DSCAM: variants seen among roughly 807,000 people sequenced by gnomAD.
The protein encoded by DSCAM is cell adhesion molecule DSCAM.
A neutral mutation model predicts 217.7 loss-of-function variants in DSCAM; 47 were observed. The observed-to-expected ratio is 0.22, with a 90% confidence interval of 0.17 to 0.28. DSCAM has a LOEUF of 0.28. DSCAM is among the 10% of genes least tolerant of loss of function. The pLI is 1.00. For synonymous variants in DSCAM, 1,056 were observed against 1,015.3 expected (o/e 1.04, Z -0.76); for missense variants, 2,080 against 2,618.3 (o/e 0.79, Z 4.49).
chr21:40,444,733 A>G (rs180709164), intron 3 of DSCAM, among the ~76,000 whole-genome samples: 1 of 152,342 alleles, frequency 6.6e-6, no homozygotes, highest in Non-Finnish European at 1.5e-5. Context: ...AACTTGCTCC[A>G]AAGTAGAGAA....
intron 3 of DSCAM, among the ~76,000 whole-genome samples, chr21:40,509,990 G>A (rs1203017006): frequency 1.3e-5 from 2 of 152,066 alleles, no homozygotes. Context: ...CAGGCGTGGT[G>A]GCACACAACT....
At chr21:40,559,290 C>G (rs1038023562) in intron 3 of DSCAM, among the ~76,000 whole-genome samples, 1 of 151,956 alleles carries the variant, frequency 6.6e-6, no homozygotes, top group South Asian at 2.1e-4. Flanking sequence ...AACCCCGTCT[C>G]TACTAAAAAT....
chr21:40,728,547 T>G (rs2090981117), intron 1 of DSCAM, among the ~76,000 whole-genome samples: 1 of 151,990 alleles, frequency 6.6e-6, no homozygotes, highest in Non-Finnish European at 1.5e-5. Flanking sequence ...GCCTCCTGAG[T>G]AGCTGGGATT....
chr21:40,749,292 T>C (rs1229522631), intron 1 of DSCAM, among the ~76,000 whole-genome samples: 1 of 151,952 alleles, frequency 6.6e-6, no homozygotes, highest in Admixed American at 6.6e-5. Flanking sequence ...ACTTACAGAA[T>C]GGGGAAAAAA....
chr21:40,821,137 CAT>C (rs5844044), intron 1 of DSCAM, among the ~76,000 whole-genome samples: 166 of 138,302 alleles, frequency 1.2e-3, no homozygotes, highest in South Asian at 5.2e-3. Context: ...TATATCTTCA[CAT>C]ATATATATAT....
intron 3 of DSCAM, among the ~76,000 whole-genome samples, chr21:40,379,941 C>A (rs1352511885): frequency 6.6e-6 from 1 of 152,110 alleles, no homozygotes; most frequent in African/African-American, 2.4e-5. Flanking sequence ...CTTGAGCCGC[C>A]TGGAAGAAAT....
At chr21:40,345,097 TC>T (rs1176482249) in intron 6 of DSCAM, among the ~76,000 whole-genome samples, 1 of 152,208 alleles carries the variant, frequency 6.6e-6, no homozygotes, top group African/African-American at 2.4e-5. Flanking sequence ...CAGACTGTTT[TC>T]TACAGTTTCA....
rs1293751847 is a variant in DSCAM at position 40,600,142 on chromosome 21, TACA to T, written c.508+92665_508+92667del. ...TCCTGATACCAAAACCTGGCAGAGATACAACAATAAAAAGAGCAGAAGTTTTTA... is the reference window on the plus strand; with the variant it reads ...TCCTGATACCAAAACCTGGCAGAGATACAATAAAAAGAGCAGAAGTTTTTA... On this transcript the variant is annotated intron_variant, in intron 3 of 32. Coordinates refer to ENST00000400454, the MANE Select transcript of DSCAM (RefSeq NM_001389.5). Among the ~76,000 whole-genome samples the T allele has an allele frequency of 3.9e-5, 6 of 152,192 alleles. No homozygotes were observed. The South Asian group carries it at 1.0e-3, about 26-fold the overall frequency.
chr21:40,758,897 A>G (rs2091302698), intron 1 of DSCAM, among the ~76,000 whole-genome samples: 1 of 152,156 alleles, frequency 6.6e-6, no homozygotes, highest in South Asian at 2.1e-4. Context: ...GTAGCATCTT[A>G]AAGATGTTAA....
intron 20 of DSCAM, among the ~76,000 whole-genome samples, chr21:40,096,231 C>T (rs2089674776): frequency 6.6e-6 from 1 of 152,148 alleles, no homozygotes; most frequent in Admixed American, 6.5e-5. Context: ...AGCCCCCTCC[C>T]CACTTTGAGT....
At chr21:40,417,278 T>A (rs998572805) in intron 3 of DSCAM, among the ~76,000 whole-genome samples, 1 of 152,208 alleles carries the variant, frequency 6.6e-6, no homozygotes, top group Admixed American at 6.5e-5. Context: ...ATGTGCACAA[T>A]GTGCAGGTTT....
intron 11 of DSCAM, among the ~76,000 whole-genome samples, chr21:40,262,264 C>T (rs1235329245): frequency 3.9e-5 from 6 of 152,050 alleles, no homozygotes; most frequent in African/African-American, 4.8e-5. Context: ...AATCTAACCA[C>T]GGTATTTGAG....
chr21:40,033,224 C>T (rs1363633339), intron 32 of DSCAM, among the ~76,000 whole-genome samples: 1 of 152,144 alleles, frequency 6.6e-6, no homozygotes, highest in Non-Finnish European at 1.5e-5. Flanking sequence ...GCCTGAGCGA[C>T]GCAGAAGACG....
intron 3 of DSCAM, among the ~76,000 whole-genome samples, chr21:40,683,513 T>A (rs2090438237): frequency 6.6e-6 from 1 of 152,016 alleles, no homozygotes; most frequent in South Asian, 2.1e-4. Flanking sequence ...GGGAAAGGTT[T>A]CTTTAAAACT....
intron 3 of DSCAM, among the ~76,000 whole-genome samples, chr21:40,405,597 C>T (rs1364075937): frequency 6.6e-6 from 1 of 152,156 alleles, no homozygotes; most frequent in East Asian, 1.9e-4. Context: ...ATTTGCAAAT[C>T]ATATATCTGA....
intron 3 of DSCAM, among the ~76,000 whole-genome samples, chr21:40,675,041 A>ACG (rs1568977471): frequency 4.6e-5 from 7 of 150,740 alleles, no homozygotes; most frequent in African/African-American, 1.7e-4. Flanking sequence ...ATGCACGCGC[A>ACG]CACACGTACA....
intron 3 of DSCAM, among the ~76,000 whole-genome samples, chr21:40,437,709 G>A (rs1438412301): frequency 1.3e-5 from 2 of 152,084 alleles, no homozygotes; most frequent in East Asian, 3.9e-4. Flanking sequence ...AAATTAGCCA[G>A]GCGTGGTGGT....
intron 3 of DSCAM, among the ~76,000 whole-genome samples, chr21:40,410,139 T>C (rs769329403): frequency 6.6e-6 from 1 of 152,008 alleles, no homozygotes; most frequent in South Asian, 2.1e-4. Flanking sequence ...AAAAGGATAG[T>C]ATAAATGGAA....
chr21:40,458,389 T>C (rs943794453), intron 3 of DSCAM, among the ~76,000 whole-genome samples: 2 of 152,136 alleles, frequency 1.3e-5, no homozygotes, highest in African/African-American at 4.8e-5. Flanking sequence ...AAAAGTTGTA[T>C]ATGAAGTAGA....
Sources: allele counts gnomAD v4.1 joint callset (sites outside exome capture counted in the v4.1 genomes callset), GRCh38; gene constraint gnomAD v4.1.1; transcripts MANE v1.5; gene names NCBI Gene and HGNC (gene_info 2026-07-23, HGNC 2026-07-21).